The following INVS variants were observed in gnomAD, a reference collection of about 807,000 sequenced individuals.
INVS encodes inversin.
INVS carries 86 observed loss-of-function variants against 108.8 expected under a neutral mutation model. The observed-to-expected ratio is 0.79, with a 90% CI of 0.66 to 0.95. INVS has a LOEUF of 0.95. Among genes scored for constraint, INVS ranks in the 40% least tolerant of loss-of-function variants. The pLI is 0.00. For missense variants in INVS, 1,169 were observed against 1,297.4 expected, an observed-to-expected ratio of 0.90 and a Z score of 1.52; for synonymous variants, 455 against 473.5, an observed-to-expected ratio of 0.96 and a Z score of 0.51.
intron 11 of INVS, among the ~76,000 whole-genome samples, chr9:100,267,019 T>TAAAAAAAAAAA (rs11415703): frequency 1.1e-5 from 1 of 93,130 alleles, no homozygotes. Flanking sequence ...TTTGAAACTC[T>TAAAAAAAAAAA]AAAAAAAAAA....
chr9:100,108,059 C>T (rs1223171819), intron 2 of INVS, among the ~76,000 whole-genome samples: 4 of 151,604 alleles, frequency 2.6e-5, no homozygotes, highest in Non-Finnish European at 4.4e-5. Flanking sequence ...TAAGTCAGGA[C>T]GTATGAAGAA....
At chr9:100,099,711 T>C (rs1826757843) in intron 1 of INVS, among the ~76,000 whole-genome samples, 1 of 152,162 alleles carries the variant, frequency 6.6e-6, no homozygotes, top group African/African-American at 2.4e-5. Context: ...GAAAACTGTG[T>C]GAGTGATTGC....
At chr9:100,129,665 A>G (rs1195496211) in intron 3 of INVS, 4 of 707,044 alleles carry the variant, frequency 5.7e-6, no homozygotes, top group African/African-American at 5.3e-5. Flanking sequence ...TACTATATAC[A>G]TTGTTTGAAG....
intron 3 of INVS, among the ~76,000 whole-genome samples, chr9:100,190,165 C>T (rs1353856257): frequency 3.9e-5 from 6 of 152,000 alleles, no homozygotes; most frequent in African/African-American, 1.4e-4. Flanking sequence ...ACCATTGTTG[C>T]TTTAAAGTCT....
intron 3 of INVS, among the ~76,000 whole-genome samples, chr9:100,155,884 A>G (rs1828960210): frequency 6.6e-6 from 1 of 152,236 alleles, no homozygotes; most frequent in Admixed American, 6.5e-5. Flanking sequence ...AATATAAACT[A>G]TTGATATATG....
chr9:100,101,845 C>T (rs988093335), intron 1 of INVS: 5 of 152,124 alleles, frequency 3.3e-5, no homozygotes, highest in East Asian at 1.9e-4. Context: ...TTGAGTTTAC[C>T]GTGATTCTGT....
At position 100,126,400 on chromosome 9, in the gene INVS, G is replaced by T; in HGVS notation, c.124G>T (p.Asp42Tyr). Residue 42 changes from aspartate (D) to tyrosine (Y), a missense_variant, in exon 3 of 17, where the codon GAC (aspartate) becomes TAC (tyrosine). Physicochemically the swap from Asp to Tyr is radical, Grantham distance 160. Coordinates refer to ENST00000262457, the MANE Select transcript of INVS (RefSeq NM_014425.5). Reference sequence around the variant, plus strand: ...CCTTATAGGAAACTCTGCTCTTAAAGACAAAGAAGATCAGTTTGGGAGAAC... The same window carrying T: ...CCTTATAGGAAACTCTGCTCTTAAATACAAAGAAGATCAGTTTGGGAGAAC... ...RLIVGNSALK[D>Y]KEDQFGRTPL... 1 of 1,613,892 alleles carries T rather than the reference G, an allele frequency of 6.2e-7. No individual in the cohort carries two copies. The highest frequency in any genetic ancestry group is 8.5e-7 in the Non-Finnish European group (1 of 1,179,788).
At chr9:100,190,120 C>G (rs1830177815) in intron 3 of INVS, among the ~76,000 whole-genome samples, 1 of 152,108 alleles carries the variant, frequency 6.6e-6, no homozygotes, top group African/African-American at 2.4e-5. Context: ...CCTTTTATCA[C>G]TATATAATGA....
Position 100,246,604 on chromosome 9 carries a change from G to A in INVS, c.907-12G>A. ...GTTTTGTCTCCATTTTTTAAATCAA[G>A]TTTTCTTACAGGAAACGGTTAAAGT... On this transcript the variant is annotated splice_polypyrimidine_tract_variant and intron_variant, in intron 7 of 16. Transcript: ENST00000262457. The A allele has an allele frequency of 6.2e-7, 1 of 1,606,932 alleles. No individual in the cohort carries two copies. Among genetic ancestry groups the A allele is most frequent in the Non-Finnish European group, 8.5e-7 (1 of 1,173,762 alleles).
chr9:100,294,117 A>G (rs1833714020), intron 14 of INVS, among the ~76,000 whole-genome samples: 1 of 152,204 alleles, frequency 6.6e-6, no homozygotes, highest in Non-Finnish European at 1.5e-5. Flanking sequence ...ACAGTGAGCC[A>G]TCACCATGCC....
intron 3 of INVS, among the ~76,000 whole-genome samples, chr9:100,152,502 T>G (rs1188772095): frequency 6.6e-6 from 1 of 152,244 alleles, no homozygotes; most frequent in Non-Finnish European, 1.5e-5. Flanking sequence ...TATACTTGTC[T>G]AAATTATGTC....
intron 3 of INVS, among the ~76,000 whole-genome samples, chr9:100,137,096 A>G (rs546041431): frequency 7.9e-5 from 12 of 152,312 alleles, no homozygotes; most frequent in Admixed American, 7.8e-4. Flanking sequence ...AGTTTGTTCA[A>G]TGAATGAGTA....
intron 10 of INVS, among the ~76,000 whole-genome samples, chr9:100,254,131 C>G (rs1323069426): frequency 1.3e-5 from 2 of 152,080 alleles, no homozygotes; most frequent in African/African-American, 4.8e-5. Context: ...GATGGTATCT[C>G]ATTGTGGTTT....
chr9:100,206,037 A>T (rs187058468), intron 3 of INVS, among the ~76,000 whole-genome samples: 105 of 152,270 alleles, frequency 6.9e-4, no homozygotes, highest in Non-Finnish European at 1.3e-3. Flanking sequence ...ATATAAACAG[A>T]TAATCTTTTA....
In INVS at chr9:100,233,733, G is replaced by A. The variant is rs1437400336; in HGVS notation, c.615+3906G>A. The stretch of plus-strand genomic sequence containing the variant: ...CAGGGATGAAGCTGACTTGATCATG[G>A]TGGATAAGCTTTTTGATGTGCTACT... On this transcript the variant is annotated intron_variant, in intron 5 of 16. Transcript: ENST00000262457. Among the ~76,000 whole-genome samples the A allele has an allele frequency of 3.3e-5, 5 of 152,320 alleles. No homozygotes were observed. The East Asian group carries it at 9.6e-4, about 29-fold the overall frequency.
intron 10 of INVS, among the ~76,000 whole-genome samples, chr9:100,259,263 A>G (rs950189365): frequency 6.6e-6 from 1 of 152,056 alleles, no homozygotes; most frequent in African/African-American, 2.4e-5. Context: ...TGCTAAAACC[A>G]TTGGAAAAAG....
intron 10 of INVS, 23 bp downstream of exon 10, chr9:100,253,159 A>G (rs1159818624): frequency 1.3e-6 from 2 of 1,557,774 alleles, no homozygotes; most frequent in Non-Finnish European, 1.8e-6. Context: ...TCTTTTCTAT[A>G]TTGTTTGCTC....
At chr9:100,261,342 T>G (rs1832616738) in intron 10 of INVS, among the ~76,000 whole-genome samples, 2 of 150,832 alleles carry the variant, frequency 1.3e-5, no homozygotes, top group South Asian at 2.1e-4. Context: ...CTCAGCTCAC[T>G]GCAAGCTCCA....
intron 2 of INVS, among the ~76,000 whole-genome samples, chr9:100,111,702 C>G (rs1827341317): frequency 6.6e-6 from 1 of 152,202 alleles, no homozygotes; most frequent in African/African-American, 2.4e-5. Context: ...CCAAATATTT[C>G]CAAACAATAC....
Sources: gnomAD v4.1 joint callset for allele counts (sites outside exome capture counted in the v4.1 genomes callset) on GRCh38, gnomAD v4.1.1 for gene constraint, MANE v1.5 for transcripts, NCBI Gene and HGNC (gene_info 2026-07-23, HGNC 2026-07-21) for gene names.